The following NOL10 variants were observed in gnomAD, a reference collection of about 807,000 sequenced individuals.
NOL10 encodes nucleolar protein 10.
Under a neutral mutation model 103.5 loss-of-function variants are expected in NOL10, and 58 were observed. The observed-to-expected ratio is 0.56, with a 90% CI of 0.45 to 0.70. NOL10 has a LOEUF of 0.70. Ranked by LOEUF, NOL10 falls within the 30% of genes least tolerant of loss-of-function variation. The pLI is 0.00. For synonymous variants in NOL10, 287 were observed against 282.5 expected (o/e 1.02, Z -0.16); for missense variants, 763 against 807.3 (o/e 0.95, Z 0.67).
At chr2:10,619,399 C>T (rs1321028784) in intron 13 of NOL10, among the ~76,000 whole-genome samples, 1 of 152,156 alleles carries the variant, frequency 6.6e-6, no homozygotes, top group Admixed American at 6.5e-5. Context: ...AATGATCCTC[C>T]CACCTTGGCC....
rs1679937141 is a variant in NOL10 at position 10,657,739 on chromosome 2, T to C, written c.906+3A>G. On this transcript the variant is annotated splice_donor_region_variant and intron_variant, in intron 11 of 20. Transcript: ENST00000381685. ...GCAAGTAATTTCAACCAAAAATACATACGGAGTTCTTATTCCACATCTTGA... is the reference window on the plus strand; with the variant it reads ...GCAAGTAATTTCAACCAAAAATACACACGGAGTTCTTATTCCACATCTTGA... 6.5e-7 allele frequency: 1 copy of C among 1,548,734 alleles called. No homozygotes were observed. The highest frequency in any genetic ancestry group is 8.7e-7 in the Non-Finnish European group (1 of 1,145,884).
intron 20 of NOL10, among the ~76,000 whole-genome samples, chr2:10,572,628 T>G (rs1246847956): frequency 1.3e-5 from 2 of 152,246 alleles, no homozygotes; most frequent in South Asian, 4.1e-4. Flanking sequence ...CATTAGTTTA[T>G]TCCCACTGTT....
chr2:10,640,238 CG>C (rs1417526922), intron 13 of NOL10, among the ~76,000 whole-genome samples: 1 of 152,168 alleles, frequency 6.6e-6, no homozygotes, highest in Non-Finnish European at 1.5e-5. Context: ...CAACTTGGTA[CG>C]TTTGATAAAA....
In NOL10 at chr2:10,609,667, C is replaced by G. The variant is rs6756524; in HGVS notation, c.1027-2356G>C. ...AAGCTAGGAAAATCACAGGCATCTT[C>G]TGAAGCCGAGAGAGTTGAGGCCCTT... is the stretch of plus-strand genomic sequence containing the variant. On this transcript the variant is annotated intron_variant, in intron 13 of 20. Transcript: ENST00000381685. Among the ~76,000 whole-genome samples the G allele has an allele frequency of 8.5e-3, 1,287 of 152,228 alleles. 18 individuals carry two copies. Among genetic ancestry groups the G allele is most frequent in the African/African-American group, 0.03 (1,231 of 41,544 alleles).
chr2:10,644,055 C>T (rs1176602088), intron 13 of NOL10, among the ~76,000 whole-genome samples: 1 of 152,020 alleles, frequency 6.6e-6, no homozygotes. Context: ...TTCAAGACCA[C>T]CCCAGCCAAC....
intron 13 of NOL10, among the ~76,000 whole-genome samples, chr2:10,629,321 A>T (rs574802794): frequency 7.0e-4 from 107 of 152,338 alleles, no homozygotes; most frequent in Non-Finnish European, 1.1e-3. Context: ...TCTTTTTCTG[A>T]TATTTATGTA....
chr2:10,666,433 G>A (rs958601305), intron 8 of NOL10, among the ~76,000 whole-genome samples: 6 of 151,554 alleles, frequency 4.0e-5, no homozygotes, highest in South Asian at 2.1e-4. Flanking sequence ...TGCAACCTCC[G>A]CCCCCCTGCC....
chr2:10,683,480 C>T (rs1234774707), intron 2 of NOL10, among the ~76,000 whole-genome samples: 2 of 152,152 alleles, frequency 1.3e-5, no homozygotes, highest in African/African-American at 2.4e-5. Context: ...GATTTTGATA[C>T]ACAAGAGAGC....
At chr2:10,626,990 A>C (rs977711794) in intron 13 of NOL10, among the ~76,000 whole-genome samples, 6 of 152,208 alleles carry the variant, frequency 3.9e-5, no homozygotes, top group Non-Finnish European at 8.8e-5. Context: ...TATGTCCGCT[A>C]TTCTTGTGAT....
intron 13 of NOL10, among the ~76,000 whole-genome samples, chr2:10,642,894 A>C (rs898908816): frequency 7.2e-5 from 11 of 152,224 alleles, no homozygotes; most frequent in African/African-American, 2.6e-4. Context: ...CCTCACACTG[A>C]ATGGCAACTG....
chr2:10,670,320 A>T (rs543251303), intron 6 of NOL10, among the ~76,000 whole-genome samples: 2 of 152,340 alleles, frequency 1.3e-5, no homozygotes, highest in South Asian at 2.1e-4. Flanking sequence ...CAGGGGAAAA[A>T]AAAGGGATAT....
chr2:10,607,305 C>T lies in NOL10; in HGVS notation c.1033G>A (p.Gly345Ser), dbSNP rs746920797. 1 of 1,597,516 alleles carries T rather than the reference C, an allele frequency of 6.3e-7. No homozygotes were observed. The highest frequency in any genetic ancestry group is 2.2e-5 in the East Asian group (1 of 44,484). Residue 345 changes from glycine (G) to serine (S), a missense_variant, in exon 14 of 21, where the codon GGT (glycine) becomes AGT (serine). By Grantham distance (56) the Gly-to-Ser change is moderately conservative. Coordinates refer to ENST00000381685, the MANE Select transcript of NOL10 (RefSeq NM_024894.4). The stretch of plus-strand genomic sequence containing the variant: ...AAGGAACACCACCGAGGAGCAGGAC[C>T]CAAAACCTGTTGGTGTTTATGAGAA... ...KMGIYYIPVL[G>S]PAPRWCSFLD...
chr2:10,675,277 G>C (rs1270608033), intron 4 of NOL10, among the ~76,000 whole-genome samples: 1 of 152,082 alleles, frequency 6.6e-6, no homozygotes, highest in African/African-American at 2.4e-5. Context: ...CTGGCTTGAA[G>C]GTGGAGGTGA....
chr2:10,681,954 A>T lies in NOL10; in HGVS notation c.211+17T>A, dbSNP rs757469780. 6 of 1,228,434 alleles carry T rather than the reference A, an allele frequency of 4.9e-6. No individual in the cohort carries two copies. The highest frequency in any genetic ancestry group is 6.6e-6 in the Non-Finnish European group (6 of 912,544). The allele number at this position is 1,228,434 out of a possible 1,614,324, so 76.1% of individuals were successfully genotyped here. On this transcript the variant is annotated intron_variant, in intron 3 of 20. Coordinates refer to ENST00000381685, the MANE Select transcript of NOL10 (RefSeq NM_024894.4). ...TGGTACAAAATGCATGAAAATCATA[A>T]CCAAAAAGATGCTTACCAGTTGCTA... is the stretch of plus-strand genomic sequence containing the variant.
At position 10,644,275 on chromosome 2, in the gene NOL10, T is replaced by C. The variant is rs770527272; in HGVS notation, c.1026+45A>G. On this transcript the variant is annotated intron_variant, in intron 13 of 20. Coordinates refer to ENST00000381685, the MANE Select transcript of NOL10 (RefSeq NM_024894.4). Reference sequence around the variant, plus strand: ...AATTAAATAAATAATAAAAAGTATCTTTGCTTGTCCTATTTTTACTGAAAC... The same window carrying C: ...AATTAAATAAATAATAAAAAGTATCCTTGCTTGTCCTATTTTTACTGAAAC... 2.4e-5 allele frequency: 32 copies of C among 1,311,946 alleles called. No individual in the cohort carries two copies. In the East Asian group the frequency reaches 5.8e-4, roughly 24 times the overall value. The allele number at this position is 1,311,946 out of a possible 1,614,324, so 81.3% of individuals were successfully genotyped here. A position where few individuals can be genotyped will look rare whatever the true frequency, so the allele number is the denominator to read the frequency against.
At chr2:10,594,784 A>T (rs1332741557) in intron 17 of NOL10, among the ~76,000 whole-genome samples, 1 of 152,206 alleles carries the variant, frequency 6.6e-6, no homozygotes, top group African/African-American at 2.4e-5. Flanking sequence ...TGAGCTCAGG[A>T]GTTGGAGACC....
chr2:10,577,633 C>T lies in NOL10; in HGVS notation c.1947+3G>A. On this transcript the variant is annotated splice_donor_region_variant and intron_variant, in intron 20 of 20. Coordinates refer to ENST00000381685, the MANE Select transcript of NOL10 (RefSeq NM_024894.4). ...TAAAAAATAACAATAAAAGACAACT[C>T]ACCCTCTTTAACGTGAATGTCAATT... 6.3e-7 allele frequency: 1 copy of T among 1,598,520 alleles called. No individual in the cohort carries two copies. The highest frequency in any genetic ancestry group is 8.6e-7 in the Non-Finnish European group (1 of 1,168,384).
At chr2:10,673,282 C>T (rs998037634) in intron 5 of NOL10, 7 of 345,926 alleles carry the variant, frequency 2.0e-5, no homozygotes, top group African/African-American at 1.1e-4. Flanking sequence ...GTTTCATATA[C>T]GATATGAAAA....
chr2:10,657,643 C>A, intron 11 of NOL10, 99 bp downstream of exon 11: 1 of 1,051,490 alleles, frequency 9.5e-7, no homozygotes, highest in Admixed American at 2.7e-5. Context: ...TTCAGTATCT[C>A]TTTCCCAATA....
Sources: gnomAD v4.1 joint callset for allele counts (sites outside exome capture counted in the v4.1 genomes callset) on GRCh38, gnomAD v4.1.1 for gene constraint, MANE v1.5 for transcripts, NCBI Gene and HGNC (gene_info 2026-07-23, HGNC 2026-07-21) for gene names.